The following DNAJB13 variants were observed in gnomAD, a reference collection of about 807,000 sequenced individuals.
DNAJB13 encodes the protein dnaJ homolog subfamily B member 13.
Under a neutral mutation model 35.6 loss-of-function variants are expected in DNAJB13, and 22 were observed. That is an observed-to-expected ratio of 0.62 (90% CI 0.44 to 0.88). The LOEUF is 0.88. Among genes scored for constraint, DNAJB13 ranks in the 40% least tolerant of loss-of-function variants. The pLI is 0.00. For missense variants in DNAJB13, 370 were observed against 384.3 expected (o/e 0.96, Z 0.31); for synonymous variants, 136 against 144.2 (o/e 0.94, Z 0.41).
At chr11:73,951,601 C>G (rs1950586111) in intron 1 of DNAJB13, among the ~76,000 whole-genome samples, 2 of 152,188 alleles carry the variant, frequency 1.3e-5, no homozygotes, top group African/African-American at 2.4e-5. Context: ...TGGCTCGTTC[C>G]TAAGAAAGCC....
Position 73,966,845 on chromosome 11 carries a change from A to ATTTTTT in DNAJB13, c.606+614_606+619dup, listed in dbSNP as rs770257573. Among the ~76,000 whole-genome samples the ATTTTTT allele has an allele frequency of 2.1e-3, 205 of 98,228 alleles. 6 individuals are homozygous for ATTTTTT. The highest frequency in any genetic ancestry group is 7.5e-3 in the African/African-American group (159 of 21,144). The allele number at this position is 98,228 out of a possible 152,430, so 64.4% of individuals were successfully genotyped here. A position where few individuals can be genotyped will look rare whatever the true frequency, so the allele number is the denominator to read the frequency against. ...AGGCATGTGCCACCACGCCCAGCTAATTTTTTTTTTTTTTTTTTTTTTTTT... is the reference window on the plus strand; with the variant it reads ...AGGCATGTGCCACCACGCCCAGCTAATTTTTTTTTTTTTTTTTTTTTTTTTTTTTTT... On this transcript the variant is annotated intron_variant, in intron 5 of 7. Transcript: ENST00000339764.
intron 3 of DNAJB13, 52 bp from the exon 4 acceptor site, chr11:73,964,822 CGCAT>C (rs1254979297): frequency 1.3e-6 from 2 of 1,555,510 alleles, no homozygotes; most frequent in African/African-American, 2.8e-5. Flanking sequence ...TGCGCGCGCG[CGCAT>C]GTCTGGGTCT....
intron 3 of DNAJB13, among the ~76,000 whole-genome samples, chr11:73,961,210 G>T (rs777999996): frequency 1.7e-4 from 26 of 152,172 alleles, no homozygotes; most frequent in Non-Finnish European, 3.7e-4. Flanking sequence ...AGCCCAGGAG[G>T]TTGAGGCTGC....
At chr11:73,964,789 GT>G in intron 3 of DNAJB13, 88 bp from the exon 4 acceptor site, 1 of 859,860 alleles carries the variant, frequency 1.2e-6, no homozygotes, top group Non-Finnish European at 1.8e-6. Context: ...GTGTGTGTGT[GT>G]GTGTGTGTGT....
In DNAJB13 at chr11:73,969,304, C is replaced by A; in HGVS notation, c.779C>A (p.Pro260His). ...CTAGATGACCGTCTGCTCAACATCC[C>A]CATCAATGACATCATCCAGTGAGTC... Reference protein sequence around the residue: ...RTLDDRLLNIPINDIIHPKYF... With the variant: ...RTLDDRLLNIHINDIIHPKYF... The change falls in exon 7 of 8, where the codon CCC becomes CAC. Residue 260 changes from proline (P) to histidine (H), a missense_variant. By Grantham distance (77) the Pro-to-His change is moderately conservative. Transcript: ENST00000339764. 1 of 872,712 alleles carries A rather than the reference C, an allele frequency of 1.1e-6. No individual in the cohort carries two copies. The allele number at this position is 872,712 out of a possible 1,614,324, so 54.1% of individuals were successfully genotyped here.
Position 73,958,406 on chromosome 11 carries a change from A to G in DNAJB13, c.158A>G (p.Asp53Gly). ...EIFRQIAEAY[D>G]VLSDPMKRGI... ...TTCAGGCAAATAGCAGAGGCCTACG[A>G]CGTGCTGAGTGACCGTGAGTAGGTG... The change falls in exon 2 of 8, where the codon GAC becomes GGC. Residue 53 changes from aspartate to glycine, a missense_variant. Physicochemically the swap from Asp to Gly is moderately conservative, Grantham distance 94 (BLOSUM62 -1). Coordinates refer to ENST00000339764, the MANE Select transcript of DNAJB13 (RefSeq NM_153614.4). The G allele has an allele frequency of 6.2e-7, 1 of 1,614,100 alleles. No homozygotes were observed. Among genetic ancestry groups the G allele is most frequent in the African/African-American group, 1.3e-5 (1 of 75,034 alleles).
intron 4 of DNAJB13, chr11:73,965,869 C>A (rs1951100784): frequency 2.3e-6 from 1 of 432,604 alleles, no homozygotes; most frequent in East Asian, 4.2e-5. Context: ...CAGCCCCCAG[C>A]CCCAGTCTCA....
At chr11:73,961,153 A>G (rs1261910264) in intron 3 of DNAJB13, among the ~76,000 whole-genome samples, 1 of 152,044 alleles carries the variant, frequency 6.6e-6, no homozygotes, top group Non-Finnish European at 1.5e-5. Flanking sequence ...GGTGGTGTGT[A>G]TCTGTAGTTC....
At chr11:73,965,159 C>G (rs1463596481) in intron 4 of DNAJB13, 124 bp downstream of exon 4, 1 of 1,095,300 alleles carries the variant, frequency 9.1e-7, no homozygotes, top group Non-Finnish European at 1.3e-6. Context: ...ACCTTAGATT[C>G]AGAGACCTAG....
chr11:73,956,803 CAAAAAAA>C (rs1163341948), intron 1 of DNAJB13, among the ~76,000 whole-genome samples: 2 of 75,908 alleles, frequency 2.6e-5, no homozygotes, highest in Non-Finnish European at 2.8e-5. Flanking sequence ...AACTCCATCT[CAAAAAAA>C]AAAAAAAAAA....
At position 73,958,109 on chromosome 11, in the gene DNAJB13, G is replaced by A. The variant is rs1419520501; in HGVS notation, c.69-208G>A. 2.0e-5 allele frequency among the ~76,000 whole-genome samples: 3 copies of A among 152,214 alleles called. No individual in the cohort carries two copies. The East Asian group carries it at 5.8e-4, about 29-fold the overall frequency. On this transcript the variant is annotated intron_variant, in intron 1 of 7. Transcript: ENST00000339764. ...TTGCTTCAGCTCAGATGCCCAGGGG[G>A]GCAGCTGCTGGAACTGTCGGTCAAC...
chr11:73,955,638 C>T (rs1950720279), intron 1 of DNAJB13, among the ~76,000 whole-genome samples: 1 of 151,992 alleles, frequency 6.6e-6, no homozygotes, highest in Non-Finnish European at 1.5e-5. Flanking sequence ...ACCAGCATGG[C>T]CAACACGGCA....
rs1211103897 is a variant in DNAJB13 at position 73,958,420 on chromosome 11, C to G, written c.172C>G (p.Pro58Ala). ...IAEAYDVLSDPMKRGIYDKFG... is the reference protein window; with the variant it reads ...IAEAYDVLSDAMKRGIYDKFG... ...AGAGGCCTACGACGTGCTGAGTGACCGTGAGTAGGTGTGGGGCTGAGCACC... is the reference window on the plus strand; with the variant it reads ...AGAGGCCTACGACGTGCTGAGTGACGGTGAGTAGGTGTGGGGCTGAGCACC... Residue 58 changes from proline to alanine, a missense_variant and splice_region_variant, in exon 2 of 8, where the codon CCC becomes GCC. Transcript: ENST00000339764. 1.9e-6 allele frequency: 3 copies of G among 1,613,798 alleles called. No individual in the cohort carries two copies. The highest frequency in any genetic ancestry group is 1.7e-5 in the Admixed American group (1 of 60,006).
chr11:73,965,245 G>C, intron 4 of DNAJB13: 2 of 496,956 alleles, frequency 4.0e-6, no homozygotes, highest in Non-Finnish European at 6.8e-6. Context: ...TAGTGCAGGA[G>C]TGCCCTCTGC....
intron 3 of DNAJB13, chr11:73,964,584 G>A: frequency 2.8e-6 from 1 of 357,474 alleles, no homozygotes; most frequent in Non-Finnish European, 5.1e-6. Context: ...GAAGCGTTGG[G>A]CGGGGTGGGG....
rs3222042 is a variant in DNAJB13, at chr11:73,964,765, CTGTG to C, written c.335-68_335-65del. ...TGGGGAGCATATCTGGATAGGGAGG[CTGTG>C]TGTGTGTGTGTGTGTGTGTGTGTGT... On this transcript the variant is annotated intron_variant, in intron 3 of 7. Coordinates refer to ENST00000339764, the MANE Select transcript of DNAJB13 (RefSeq NM_153614.4). The C allele has an allele frequency of 0.074, 48,067 of 648,262 alleles. 708 individuals are homozygous for C. Among genetic ancestry groups the C allele is most frequent in the Middle Eastern group, 0.11 (243 of 2,130 alleles). 40.2% of individuals were successfully genotyped at this position (648,262 alleles called of 1,614,324 possible). A position where few individuals can be genotyped will look rare whatever the true frequency, so the allele number is the denominator to read the frequency against.
At chr11:73,964,606 C>CGTATCATTAAA in intron 3 of DNAJB13, 11 of 420,330 alleles carry the variant, frequency 2.6e-5, no homozygotes, top group Admixed American at 4.1e-5. Flanking sequence ...GGGAATGTCC[C>CGTATCATTAAA]AAGGGGAGGT....
chr11:73,953,029 C>T (rs1163246277), intron 1 of DNAJB13, among the ~76,000 whole-genome samples: 3 of 152,104 alleles, frequency 2.0e-5, no homozygotes, highest in East Asian at 3.9e-4. Flanking sequence ...TTTGAGAGGG[C>T]AGCCTGGGCA....
intron 3 of DNAJB13, 94 bp from the exon 4 acceptor site, chr11:73,964,784 T>C: frequency 2.5e-6 from 2 of 801,774 alleles, no homozygotes; most frequent in South Asian, 1.5e-5. Context: ...TGTGTGTGTG[T>C]GTGTGTGTGT....
Sources: allele counts gnomAD v4.1 joint callset (sites outside exome capture counted in the v4.1 genomes callset), GRCh38; gene constraint gnomAD v4.1.1; transcripts MANE v1.5; gene names NCBI Gene and HGNC (gene_info 2026-07-23, HGNC 2026-07-21).